The following PDGFC variants were observed in gnomAD, a reference collection of about 807,000 sequenced individuals.
PDGFC encodes platelet derived growth factor C.
Under a neutral mutation model 35.5 loss-of-function variants are expected in PDGFC, and 12 were observed. The observed-to-expected ratio is 0.34, with a 90% CI of 0.22 to 0.55. PDGFC has a LOEUF of 0.55. Ranked by LOEUF, PDGFC falls within the 20% of genes least tolerant of loss-of-function variation. PDGFC has a pLI of 0.91. For synonymous variants in PDGFC, 159 were observed against 148.8 expected, an observed-to-expected ratio of 1.07 and a Z score of -0.50; for missense variants, 322 against 412.4, an observed-to-expected ratio of 0.78 and a Z score of 1.90.
chr4:156,802,721 G>A (rs914935625), intron 3 of PDGFC, among the ~76,000 whole-genome samples: 6 of 152,156 alleles, frequency 3.9e-5, no homozygotes, highest in Non-Finnish European at 8.8e-5. Context: ...AGAGGAATCA[G>A]AGTGTTTTGA....
At chr4:156,925,897 T>C (rs181196662) in intron 1 of PDGFC, among the ~76,000 whole-genome samples, 1 of 150,148 alleles carries the variant, frequency 6.7e-6, no homozygotes, top group African/African-American at 2.4e-5. Context: ...CAAAAAAATA[T>C]AAAAATTAGC....
At chr4:156,810,807 TAAATAA>T (rs757260095) in intron 3 of PDGFC, 24 bp downstream of exon 3, 9 of 1,387,048 alleles carry the variant, frequency 6.5e-6, no homozygotes, top group Non-Finnish European at 8.9e-6. Context: ...CTGATCCAAT[TAAATAA>T]GGGGATCTGA....
Position 156,971,062 on chromosome 4 carries a change from C to T in PDGFC, c.-159G>A, listed in dbSNP as rs955398901. The T allele has an allele frequency of 1.7e-6, 1 of 590,676 alleles. No individual in the cohort carries two copies. Among genetic ancestry groups the T allele is most frequent in the South Asian group, 2.1e-5 (1 of 47,758 alleles). 36.6% of individuals were successfully genotyped at this position (590,676 alleles called of 1,614,324 possible). On this transcript the variant is annotated 5_prime_UTR_variant, in exon 1 of 6. Transcript: ENST00000502773. ...CAGGGTAGTTTCCACATAATCCCATCCAAAACTTTTTCCTAGAGCCCTCTT... is the reference window on the plus strand; with the variant it reads ...CAGGGTAGTTTCCACATAATCCCATTCAAAACTTTTTCCTAGAGCCCTCTT...
intron 1 of PDGFC, among the ~76,000 whole-genome samples, chr4:156,960,310 T>C (rs1732313523): frequency 6.7e-6 from 1 of 148,976 alleles, no homozygotes; most frequent in Non-Finnish European, 1.5e-5. Flanking sequence ...CAACTATGCA[T>C]TTTGTTACTG....
chr4:156,865,804 T>C (rs1477734669), intron 1 of PDGFC, among the ~76,000 whole-genome samples: 1 of 152,172 alleles, frequency 6.6e-6, no homozygotes, highest in Non-Finnish European at 1.5e-5. Flanking sequence ...CAGAAGTTCA[T>C]ATGTTTTAAA....
At chr4:156,919,066 G>T (rs570664782) in intron 1 of PDGFC, among the ~76,000 whole-genome samples, 3 of 152,166 alleles carry the variant, frequency 2.0e-5, no homozygotes, top group South Asian at 2.1e-4. Context: ...ACAATGTTTT[G>T]TTTACTTCTT....
intron 5 of PDGFC, among the ~76,000 whole-genome samples, chr4:156,765,153 A>G (rs1167523837): frequency 1.3e-5 from 2 of 152,184 alleles, no homozygotes; most frequent in African/African-American, 4.8e-5. Flanking sequence ...CTGGATAAGA[A>G]ATTCTAATGG....
At chr4:156,922,051 A>C (rs1327152610) in intron 1 of PDGFC, among the ~76,000 whole-genome samples, 1 of 152,214 alleles carries the variant, frequency 6.6e-6, no homozygotes, top group Non-Finnish European at 1.5e-5. Context: ...CTAGTGAGAA[A>C]TCAGAAAATG....
At chr4:156,807,859 C>T (rs1731813153) in intron 3 of PDGFC, among the ~76,000 whole-genome samples, 1 of 151,902 alleles carries the variant, frequency 6.6e-6, no homozygotes, top group African/African-American at 2.4e-5. Context: ...GTAATGCATG[C>T]AAAATATTCA....
chr4:156,855,255 C>T (rs1729546523), intron 1 of PDGFC, among the ~76,000 whole-genome samples: 1 of 152,060 alleles, frequency 6.6e-6, no homozygotes, highest in Non-Finnish European at 1.5e-5. Flanking sequence ...GTAAGAGAAT[C>T]ATAAAATGCA....
intron 3 of PDGFC, among the ~76,000 whole-genome samples, chr4:156,803,005 T>A (rs1731659418): frequency 6.6e-6 from 1 of 152,066 alleles, no homozygotes; most frequent in African/African-American, 2.4e-5. Context: ...AGACAAAAGA[T>A]CCAGCAAACA....
intron 1 of PDGFC, among the ~76,000 whole-genome samples, chr4:156,859,931 G>T (rs1729670736): frequency 6.6e-6 from 1 of 152,062 alleles, no homozygotes; most frequent in African/African-American, 2.4e-5. Context: ...AAGATTTTAA[G>T]TATCCTTTAT....
intron 1 of PDGFC, among the ~76,000 whole-genome samples, chr4:156,930,468 A>G (rs1393329562): frequency 6.6e-6 from 1 of 152,256 alleles, no homozygotes; most frequent in Non-Finnish European, 1.5e-5. Context: ...CTACCTTAAA[A>G]GACATTTTAT....
intron 4 of PDGFC, among the ~76,000 whole-genome samples, chr4:156,772,102 T>G (rs1730707393): frequency 6.6e-6 from 1 of 151,590 alleles, no homozygotes; most frequent in Admixed American, 6.6e-5. Context: ...AGTTAAAAAT[T>G]ATTATGGTGT....
At chr4:156,920,049 C>T (rs1375987276) in intron 1 of PDGFC, among the ~76,000 whole-genome samples, 1 of 152,122 alleles carries the variant, frequency 6.6e-6, no homozygotes, top group African/African-American at 2.4e-5. Context: ...CCCCTCTCCC[C>T]ATGTGACATG....
chr4:156,912,565 T>C (rs1183529670), intron 1 of PDGFC, among the ~76,000 whole-genome samples: 1 of 152,122 alleles, frequency 6.6e-6, no homozygotes, highest in East Asian at 1.9e-4. Context: ...GAAATGTATG[T>C]GGAGGGCAAA....
chr4:156,939,897 G>A (rs575924405), intron 1 of PDGFC, among the ~76,000 whole-genome samples: 26 of 152,114 alleles, frequency 1.7e-4, no homozygotes, highest in Non-Finnish European at 3.5e-4. Context: ...GAAGCTTACT[G>A]TAAAGGAAGT....
chr4:156,879,523 A>G lies in PDGFC; in HGVS notation c.119-29107T>C, dbSNP rs191754821. ...AACTCTCCAGGGATACAAAAACCCA[A>G]GCAACTGGGTTTTACTAACAAGCAC... On this transcript the variant is annotated intron_variant, in intron 1 of 5. Coordinates refer to ENST00000502773, the MANE Select transcript of PDGFC (RefSeq NM_016205.3). Among the ~76,000 whole-genome samples, 50 of 152,300 alleles carry G rather than the reference A, an allele frequency of 3.3e-4. 1 individual carries two copies. The South Asian group carries it at 9.1e-3, about 28-fold the overall frequency.
intron 1 of PDGFC, among the ~76,000 whole-genome samples, chr4:156,906,370 C>T (rs934668657): frequency 1.8e-4 from 28 of 152,006 alleles, no homozygotes; most frequent in African/African-American, 6.8e-4. Context: ...ATGTTTATGG[C>T]TCATGGTGAG....
Sources: allele counts gnomAD v4.1 joint callset (sites outside exome capture counted in the v4.1 genomes callset), GRCh38; gene constraint gnomAD v4.1.1; transcripts MANE v1.5; gene names NCBI Gene and HGNC (gene_info 2026-07-23, HGNC 2026-07-21).